Variants in OPCML observed in about 807,000 individuals in gnomAD.
OPCML encodes the protein opioid binding protein/cell adhesion molecule like.
In OPCML, 13 loss-of-function variants were observed where a neutral mutation model predicts 37.8. The observed-to-expected ratio is 0.34, with a 90% CI of 0.22 to 0.55. The LOEUF (loss-of-function observed/expected upper bound fraction) is 0.55. Ranked by LOEUF, OPCML falls within the 20% of genes least tolerant of loss-of-function variation. The probability of loss-of-function intolerance (pLI) is 0.91; values close to 1 mark genes in which losing one functional copy is unlikely to be tolerated. For synonymous variants in OPCML, 176 were observed against 168.8 expected (o/e 1.04, Z -0.33); for missense variants, 341 against 435.6 (o/e 0.78, Z 1.93).
intron 1 of OPCML, among the ~76,000 whole-genome samples, chr11:133,506,708 T>C (rs920469736): frequency 7.2e-5 from 11 of 152,182 alleles, no homozygotes; most frequent in Non-Finnish European, 1.2e-4. Context: ...CAGGAAACAG[T>C]GCATGGTATT....
chr11:133,147,696 T>A (rs1006580224), intron 1 of OPCML, among the ~76,000 whole-genome samples: 1 of 151,794 alleles, frequency 6.6e-6, no homozygotes. Flanking sequence ...TCTCACCACA[T>A]CCCCCTTTAA....
chr11:133,085,441 G>GT (rs1438630245), intron 1 of OPCML, among the ~76,000 whole-genome samples: 1 of 152,192 alleles, frequency 6.6e-6, no homozygotes, highest in Non-Finnish European at 1.5e-5. Flanking sequence ...ATCAATGGTG[G>GT]TGTTTTCTTT....
intron 2 of OPCML, among the ~76,000 whole-genome samples, chr11:132,785,710 G>A (rs559197547): frequency 1.3e-5 from 2 of 152,264 alleles, no homozygotes; most frequent in African/African-American, 4.8e-5. Context: ...AAGGAGCCAC[G>A]TGCTTAGGAC....
intron 3 of OPCML, among the ~76,000 whole-genome samples, chr11:132,655,098 T>C (rs752188987): frequency 2.6e-5 from 4 of 152,238 alleles, no homozygotes; most frequent in Non-Finnish European, 4.4e-5. Flanking sequence ...CCCATTATGT[T>C]GTGCATTGAC....
intron 2 of OPCML, among the ~76,000 whole-genome samples, chr11:132,893,048 C>T (rs1337572176): frequency 6.6e-6 from 1 of 152,176 alleles, no homozygotes; most frequent in Non-Finnish European, 1.5e-5. Context: ...CACCCCTCTG[C>T]CATCAACCTT....
At chr11:133,325,309 G>A (rs1943424300) in intron 1 of OPCML, among the ~76,000 whole-genome samples, 1 of 152,186 alleles carries the variant, frequency 6.6e-6, no homozygotes, top group Non-Finnish European at 1.5e-5. Flanking sequence ...TAAAATATTA[G>A]ATTGCCGGAT....
chr11:132,486,584 T>G (rs2096200516), intron 4 of OPCML, among the ~76,000 whole-genome samples: 1 of 152,210 alleles, frequency 6.6e-6, no homozygotes, highest in African/African-American at 2.4e-5. Flanking sequence ...AGGAACATAT[T>G]TACTTTTATT....
intron 1 of OPCML, among the ~76,000 whole-genome samples, chr11:133,325,449 C>T (rs548962653): frequency 3.9e-5 from 6 of 152,224 alleles, no homozygotes; most frequent in African/African-American, 1.4e-4. Context: ...CATTTTACTC[C>T]AACAAAACTC....
intron 1 of OPCML, among the ~76,000 whole-genome samples, chr11:133,075,385 A>T (rs1948605885): frequency 6.6e-6 from 1 of 152,174 alleles, no homozygotes; most frequent in Non-Finnish European, 1.5e-5. Context: ...TTTCCCTGGG[A>T]CAAGGTGCTG....
rs547468529 is a variant in OPCML, at chr11:133,091,178, C to T, written c.62-148168G>A. On this transcript the variant is annotated intron_variant, in intron 1 of 7. Coordinates refer to ENST00000524381, the MANE Select transcript of OPCML (RefSeq NM_001012393.5). ...CACTTGATAGGGCACAAGTGGTCAG[C>T]TTTGGTGGTGTCCACATTGTGCTAA... Among the ~76,000 whole-genome samples, 19 of 152,310 alleles carry T rather than the reference C, an allele frequency of 1.2e-4. No homozygotes were observed. The South Asian group carries it at 2.3e-3, about 18-fold the overall frequency.
At chr11:133,225,320 A>T (rs1352651728) in intron 1 of OPCML, among the ~76,000 whole-genome samples, 2 of 152,158 alleles carry the variant, frequency 1.3e-5, no homozygotes, top group Non-Finnish European at 2.9e-5. Flanking sequence ...AAAACCACAG[A>T]ATTAATTCAG....
At chr11:132,513,630 C>T (rs564010670) in intron 4 of OPCML, among the ~76,000 whole-genome samples, 2 of 152,202 alleles carry the variant, frequency 1.3e-5, no homozygotes, top group South Asian at 4.2e-4. Context: ...TCTCCATTGC[C>T]TAGAATATTT....
intron 3 of OPCML, among the ~76,000 whole-genome samples, chr11:132,622,185 A>G (rs1266849872): frequency 6.6e-6 from 1 of 152,166 alleles, no homozygotes; most frequent in East Asian, 1.9e-4. Context: ...CAGAAGGTTG[A>G]CAAAGCTTTA....
chr11:132,847,754 C>G (rs1171120940), intron 2 of OPCML, among the ~76,000 whole-genome samples: 1 of 152,120 alleles, frequency 6.6e-6, no homozygotes, highest in Non-Finnish European at 1.5e-5. Flanking sequence ...TTTTTCTCTC[C>G]TTTTAGTATT....
rs189977246 is a variant in OPCML at position 132,690,262 on chromosome 11, G to T, written c.147-32943C>A. ...GCCAAGCCAGGTTCTTAAACTTAACGTGCATCCGAGTCATCTGGAAGACCT... is the reference window on the plus strand; with the variant it reads ...GCCAAGCCAGGTTCTTAAACTTAACTTGCATCCGAGTCATCTGGAAGACCT... On this transcript the variant is annotated intron_variant, in intron 2 of 7. Transcript: ENST00000524381. Among the ~76,000 whole-genome samples the T allele has an allele frequency of 6.1e-4, 93 of 152,212 alleles. 1 individual carries two copies. Among genetic ancestry groups the T allele is most frequent in the Admixed American group, 6.1e-3 (93 of 15,300 alleles).
At chr11:132,756,909 T>C (rs1428761879) in intron 2 of OPCML, among the ~76,000 whole-genome samples, 2 of 152,176 alleles carry the variant, frequency 1.3e-5, no homozygotes, top group Non-Finnish European at 1.5e-5. Context: ...TGGGTATTTC[T>C]CCTAATGCTA....
intron 1 of OPCML, among the ~76,000 whole-genome samples, chr11:133,359,633 T>C (rs1302781312): frequency 1.3e-5 from 2 of 152,222 alleles, no homozygotes; most frequent in African/African-American, 4.8e-5. Flanking sequence ...ATAAGTACAC[T>C]GCTATTTATC....
At chr11:132,659,643 A>T (rs1018812936) in intron 2 of OPCML, among the ~76,000 whole-genome samples, 1 of 152,158 alleles carries the variant, frequency 6.6e-6, no homozygotes, top group African/African-American at 2.4e-5. Flanking sequence ...ATTGAAAAGG[A>T]TGATTTTTTT....
intron 1 of OPCML, among the ~76,000 whole-genome samples, chr11:133,425,293 TA>T (rs1333569595): frequency 6.6e-6 from 1 of 152,192 alleles, no homozygotes; most frequent in Non-Finnish European, 1.5e-5. Flanking sequence ...AAGACAGTGC[TA>T]AAAAGGCAGT....
Sources: gnomAD v4.1 joint callset for allele counts (sites outside exome capture counted in the v4.1 genomes callset) on GRCh38, gnomAD v4.1.1 for gene constraint, MANE v1.5 for transcripts, NCBI Gene and HGNC (gene_info 2026-07-23, HGNC 2026-07-21) for gene names.